The following TAFA2 variants were observed in gnomAD, a reference collection of about 807,000 sequenced individuals.
TAFA2 encodes the protein chemokine-like protein TAFA-2.
Under a neutral mutation model 18.8 loss-of-function variants are expected in TAFA2, and 7 were observed. The observed-to-expected ratio is 0.37, with a 90% CI of 0.21 to 0.70. The LOEUF (loss-of-function observed/expected upper bound fraction) is 0.70. TAFA2 is among the 30% of genes least tolerant of loss of function. TAFA2 has a pLI of 0.53. For missense variants in TAFA2, 122 were observed against 158.1 expected, an observed-to-expected ratio of 0.77 and a Z score of 1.23; for synonymous variants, 60 against 54.2, an observed-to-expected ratio of 1.11 and a Z score of -0.47.
intron 2 of TAFA2, among the ~76,000 whole-genome samples, chr12:61,777,227 G>C (rs1199080968): frequency 6.6e-6 from 1 of 151,862 alleles, no homozygotes; most frequent in African/African-American, 2.4e-5. Context: ...CAGGAAATCA[G>C]ACAGATGCCA....
intron 1 of TAFA2, among the ~76,000 whole-genome samples, chr12:62,036,917 C>T (rs1881627094): frequency 1.3e-5 from 2 of 152,186 alleles, no homozygotes; most frequent in African/African-American, 2.4e-5. Flanking sequence ...AACTCAGTTC[C>T]TTCTGCTTTT....
chr12:62,077,275 G>A (rs902818832), intron 1 of TAFA2, among the ~76,000 whole-genome samples: 1 of 152,268 alleles, frequency 6.6e-6, no homozygotes, highest in African/African-American at 2.4e-5. Context: ...GGTTTAATGA[G>A]GATGCTTTTA....
At chr12:62,061,290 C>T (rs549571474) in intron 1 of TAFA2, among the ~76,000 whole-genome samples, 1 of 152,292 alleles carries the variant, frequency 6.6e-6, no homozygotes, top group East Asian at 1.9e-4. Flanking sequence ...TATTTTAACT[C>T]TACCTTTTCC....
At chr12:61,879,747 G>A (rs1007214406) in intron 1 of TAFA2, 1 of 1,260,962 alleles carries the variant, frequency 7.9e-7, no homozygotes, top group South Asian at 1.2e-5. Context: ...ATGTTCCAGA[G>A]CTACATCAAC....
At chr12:62,021,661 G>T in intron 1 of TAFA2, 1 of 1,319,738 alleles carries the variant, frequency 7.6e-7, no homozygotes, top group Non-Finnish European at 1.1e-6. Flanking sequence ...TCATCTTTGG[G>T]TTCCACGATG....
At chr12:62,008,403 T>C (rs962531869) in intron 1 of TAFA2, among the ~76,000 whole-genome samples, 5 of 152,186 alleles carry the variant, frequency 3.3e-5, no homozygotes, top group Admixed American at 1.3e-4. Context: ...AACATTATAA[T>C]AGAATAATGT....
At chr12:62,028,202 G>A (rs1881359370) in intron 1 of TAFA2, among the ~76,000 whole-genome samples, 1 of 152,152 alleles carries the variant, frequency 6.6e-6, no homozygotes, top group Admixed American at 6.5e-5. Context: ...CCAAAGGCAA[G>A]TGTGAAAACT....
intron 2 of TAFA2, among the ~76,000 whole-genome samples, chr12:61,823,126 T>C (rs1362386396): frequency 6.6e-6 from 1 of 152,222 alleles, no homozygotes; most frequent in East Asian, 1.9e-4. Context: ...TTTAGTTTTA[T>C]TCTTCATACA....
chr12:61,937,861 A>C (rs958952728), intron 1 of TAFA2, among the ~76,000 whole-genome samples: 1 of 152,108 alleles, frequency 6.6e-6, no homozygotes, highest in African/African-American at 2.4e-5. Flanking sequence ...CATCAGAGTA[A>C]ACAACCCACA....
chr12:61,834,476 A>C (rs11174191), intron 2 of TAFA2, among the ~76,000 whole-genome samples: 70,511 of 151,874 alleles, frequency 0.46, 16,436 homozygotes, highest in Admixed American at 0.55. Context: ...GGAAATCTGG[A>C]AGCCTGATAG....
chr12:61,774,661 T>G (rs1244390233), intron 2 of TAFA2, among the ~76,000 whole-genome samples: 1 of 151,558 alleles, frequency 6.6e-6, no homozygotes, highest in Non-Finnish European at 1.5e-5. Context: ...ACTTCAGGGA[T>G]TCGGGGGAAA....
At chr12:62,195,339 A>G (rs1346524316), upstream of TAFA2, among the ~76,000 whole-genome samples, 3 of 152,178 alleles carry the variant, frequency 2.0e-5, no homozygotes, top group African/African-American at 7.2e-5. Flanking sequence ...CCATCTCAAA[A>G]AAAACTACTT....
intron 2 of TAFA2, among the ~76,000 whole-genome samples, chr12:61,815,350 A>C (rs1353680195): frequency 6.6e-6 from 1 of 151,462 alleles, no homozygotes; most frequent in Non-Finnish European, 1.5e-5. Context: ...GATGCCTATT[A>C]GACATTCAAA....
intron 1 of TAFA2, among the ~76,000 whole-genome samples, chr12:61,871,161 T>G (rs1047768808): frequency 6.6e-6 from 1 of 151,900 alleles, no homozygotes; most frequent in Non-Finnish European, 1.5e-5. Flanking sequence ...AAGAGAAAAA[T>G]GAAATCCAAT....
chr12:61,907,735 T>C (rs1240776215), intron 1 of TAFA2, among the ~76,000 whole-genome samples: 1 of 151,836 alleles, frequency 6.6e-6, no homozygotes, highest in African/African-American at 2.4e-5. Flanking sequence ...TCAACACCTA[T>C]GAAAGCAGGC....
chr12:61,937,603 A>G (rs1404296580), intron 1 of TAFA2, among the ~76,000 whole-genome samples: 1 of 152,206 alleles, frequency 6.6e-6, no homozygotes, highest in African/African-American at 2.4e-5. Flanking sequence ...GGATAGCCAC[A>G]TGTAGAAGAA....
chr12:62,218,158 GCTAA>G (rs747106092), intron 1 of TAFA2, among the ~76,000 whole-genome samples: 7 of 151,812 alleles, frequency 4.6e-5, no homozygotes, highest in African/African-American at 7.3e-5. Context: ...GTCACACCGG[GCTAA>G]CTTTTTAAAT....
intron 1 of TAFA2, among the ~76,000 whole-genome samples, chr12:61,883,152 G>A (rs1008165124): frequency 6.6e-6 from 1 of 152,056 alleles, no homozygotes; most frequent in African/African-American, 2.4e-5. Flanking sequence ...TTAATTTGGG[G>A]TTTGATGATA....
In TAFA2 at chr12:61,724,798, T is replaced by TATATGTATATACACCAGATGG. The variant is rs1416087029; in HGVS notation, c.385-14382_385-14381insCCATCTGGTGTATATACATAT. On this transcript the variant is annotated intron_variant, in intron 4 of 4. Transcript: ENST00000416284. ...GTGTGTGTGTGTGTGTGTGTGTGTG[T>TATATGTATATACACCAGATGG]GTGTATACACCAGATGGGTGTATAT... 5.3e-3 allele frequency among the ~76,000 whole-genome samples: 517 copies of TATATGTATATACACCAGATGG among 98,242 alleles called. 2 individuals are homozygous for TATATGTATATACACCAGATGG. Among genetic ancestry groups the TATATGTATATACACCAGATGG allele is most frequent in the African/African-American group, 0.013 (307 of 24,230 alleles). 64.5% of individuals were successfully genotyped at this position (98,242 alleles called of 152,430 possible).
Sources: gnomAD v4.1 joint callset for allele counts (sites outside exome capture counted in the v4.1 genomes callset) on GRCh38, gnomAD v4.1.1 for gene constraint, MANE v1.5 for transcripts, NCBI Gene and HGNC (gene_info 2026-07-23, HGNC 2026-07-21) for gene names.